The following CFAP210 variants were observed in gnomAD, a reference collection of about 807,000 sequenced individuals.
CFAP210 encodes the protein cilia- and flagella- associated protein 210.
the CFAP210 span, among the ~76,000 whole-genome samples, chr2:169,666,268 T>C: frequency 6.6e-6 from 1 of 151,842 alleles, no homozygotes; most frequent in Non-Finnish European, 1.5e-5. Context: ...ATTTACCTAG[T>C]ATTTATTGAA....
chr2:169,646,051 C>T, the CFAP210 span: 36 of 1,613,658 alleles, frequency 2.2e-5, no homozygotes, highest in African/African-American at 2.3e-4. Context: ...TTGTTGTTTC[C>T]GATTCAAGTT....
chr2:169,652,374 C>G, the CFAP210 span, among the ~76,000 whole-genome samples: 7 of 152,278 alleles, frequency 4.6e-5, no homozygotes, highest in South Asian at 1.2e-3. Flanking sequence ...GTATTTTAAA[C>G]AGTTTTATTG....
At chr2:169,661,079 G>A in the CFAP210 span, 3 of 541,252 alleles carry the variant, frequency 5.5e-6, no homozygotes, top group Non-Finnish European at 1.1e-5. Context: ...GGAGAATATG[G>A]CGTACTTGTC....
At chr2:169,683,027 T>C in the CFAP210 span, among the ~76,000 whole-genome samples, 2 of 151,896 alleles carry the variant, frequency 1.3e-5, no homozygotes, top group Non-Finnish European at 2.9e-5. Context: ...AGCAAGAAAA[T>C]CACGTGGTTC....
chr2:169,651,265 C>T, the CFAP210 span, among the ~76,000 whole-genome samples: 3 of 149,494 alleles, frequency 2.0e-5, no homozygotes, highest in African/African-American at 7.4e-5. Context: ...CGCAGTGGCA[C>T]GGACCTGTAG....
At chr2:169,653,039 T>A in the CFAP210 span, among the ~76,000 whole-genome samples, 302 of 44,390 alleles carry the variant, frequency 6.8e-3, 2 homozygotes, top group Non-Finnish European at 7.9e-3. Flanking sequence ...AATATATATA[T>A]ATATATATAT....
At chr2:169,660,677 C>T in the CFAP210 span, among the ~76,000 whole-genome samples, 3 of 151,118 alleles carry the variant, frequency 2.0e-5, no homozygotes. Context: ...GATCTTGACT[C>T]ACTGCAACCT....
the CFAP210 span, chr2:169,650,326 TACC>T: frequency 6.4e-7 from 1 of 1,572,802 alleles, no homozygotes. Flanking sequence ...TTGAATTGTT[TACC>T]ACAATGGCTC....
At chr2:169,659,548 G>C in the CFAP210 span, among the ~76,000 whole-genome samples, 2 of 152,146 alleles carry the variant, frequency 1.3e-5, no homozygotes, top group Admixed American at 6.5e-5. Flanking sequence ...ACAGCACTAG[G>C]AGGATGGTGT....
At chr2:169,683,896 A>G in the CFAP210 span, among the ~76,000 whole-genome samples, 9 of 152,218 alleles carry the variant, frequency 5.9e-5, no homozygotes, top group Admixed American at 5.2e-4. Flanking sequence ...AAAGCTTGGG[A>G]AAGGCTTTTT....
the CFAP210 span, among the ~76,000 whole-genome samples, chr2:169,653,428 C>T: frequency 6.6e-6 from 1 of 151,856 alleles, no homozygotes; most frequent in South Asian, 2.1e-4. Flanking sequence ...ATTGTAAAGA[C>T]TAAGTGAGAT....
chr2:169,687,531 T>C, the CFAP210 span, among the ~76,000 whole-genome samples: 1 of 151,982 alleles, frequency 6.6e-6, no homozygotes, highest in African/African-American at 2.4e-5. Flanking sequence ...ATTTTAAAGC[T>C]CCAAAATGAT....
chr2:169,674,761 A>T, the CFAP210 span: 1 of 1,568,600 alleles, frequency 6.4e-7, no homozygotes, highest in Non-Finnish European at 8.6e-7. Context: ...TACTAAGAAG[A>T]AGTCCCGACT....
At chr2:169,678,158 TAAAG>T in the CFAP210 span, among the ~76,000 whole-genome samples, 1 of 151,176 alleles carries the variant, frequency 6.6e-6, no homozygotes, top group Admixed American at 6.6e-5. Flanking sequence ...CTGACCAACA[TAAAG>T]AAACCCCGTC....
chr2:169,660,250 C>T, the CFAP210 span, among the ~76,000 whole-genome samples: 42 of 151,720 alleles, frequency 2.8e-4, no homozygotes, highest in African/African-American at 1.0e-3. Context: ...ATTAGCTGAG[C>T]GTGGTGGTGC....
At chr2:169,674,948 G>T in the CFAP210 span, 1 of 1,539,462 alleles carries the variant, frequency 6.5e-7, no homozygotes, top group South Asian at 1.3e-5. Flanking sequence ...TTCCTTGTTT[G>T]TATATTTCTT....
chr2:169,668,414 G>A, the CFAP210 span, among the ~76,000 whole-genome samples: 1 of 152,186 alleles, frequency 6.6e-6, no homozygotes, highest in African/African-American at 2.4e-5. Flanking sequence ...TTGTTCACTA[G>A]AGTAGCACTT....
the CFAP210 span, chr2:169,654,152 A>G: frequency 6.2e-7 from 1 of 1,600,466 alleles, no homozygotes; most frequent in Non-Finnish European, 8.5e-7. Context: ...TCATCTTTTC[A>G]TCTTCTTCCT....
At chr2:169,676,378 A>AG in the CFAP210 span, among the ~76,000 whole-genome samples, 1 of 151,862 alleles carries the variant, frequency 6.6e-6, no homozygotes, top group African/African-American at 2.4e-5. Context: ...AAAAAAAAAA[A>AG]AGGATATATC....
Sources: gnomAD v4.1 joint callset for allele counts (sites outside exome capture counted in the v4.1 genomes callset) on GRCh38, gnomAD v4.1.1 for gene constraint, MANE v1.5 for transcripts, NCBI Gene and HGNC (gene_info 2026-07-23, HGNC 2026-07-21) for gene names.